Variants in GRIA2 observed in about 807,000 individuals in gnomAD.
GRIA2 encodes the protein glutamate receptor 2.
GRIA2 carries 14 observed loss-of-function variants against 97.3 expected under a neutral mutation model. That is an observed-to-expected ratio of 0.14 (90% confidence interval 0.10 to 0.23). The LOEUF (loss-of-function observed/expected upper bound fraction) is 0.23. Among genes scored for constraint, GRIA2 ranks in the 10% least tolerant of loss-of-function variants. The pLI, the probability that GRIA2 is intolerant of heterozygous loss-of-function variation, is 1.00. For missense variants in GRIA2, 558 were observed against 1,069.8 expected (o/e 0.52, Z 6.67); for synonymous variants, 412 against 387.8 (o/e 1.06, Z -0.73).
At chr4:157,315,008 C>T (rs1434426918) in intron 4 of GRIA2, among the ~76,000 whole-genome samples, 1 of 152,166 alleles carries the variant, frequency 6.6e-6, no homozygotes, top group Non-Finnish European at 1.5e-5. Flanking sequence ...TAGTCTAGGA[C>T]ATGGAGGAGA....
intron 13 of GRIA2, chr4:157,360,710 G>A: frequency 2.0e-6 from 1 of 490,782 alleles, no homozygotes; most frequent in Non-Finnish European, 4.0e-6. Context: ...TTTTTTTAGT[G>A]GAGTCACATT....
At chr4:157,228,546 A>G (rs1729850594) in intron 2 of GRIA2, among the ~76,000 whole-genome samples, 1 of 152,150 alleles carries the variant, frequency 6.6e-6, no homozygotes, top group Non-Finnish European at 1.5e-5. Context: ...TAATCCCAGC[A>G]CTTTGGGTGG....
chr4:157,255,161 G>A (rs1287496496), intron 2 of GRIA2, among the ~76,000 whole-genome samples: 1 of 151,862 alleles, frequency 6.6e-6, no homozygotes, highest in African/African-American at 2.4e-5. Flanking sequence ...ATAAGGTCAT[G>A]TAGTATTTGA....
intron 2 of GRIA2, among the ~76,000 whole-genome samples, chr4:157,230,307 G>T (rs1729943276): frequency 6.6e-6 from 1 of 152,130 alleles, no homozygotes; most frequent in Non-Finnish European, 1.5e-5. Context: ...AAAGGATAGA[G>T]TGGGCATGTT....
intron 2 of GRIA2, among the ~76,000 whole-genome samples, chr4:157,296,975 T>G (rs1445585950): frequency 6.6e-6 from 1 of 152,156 alleles, no homozygotes; most frequent in Non-Finnish European, 1.5e-5. Context: ...CAGCTTGTAA[T>G]TCAGACCACA....
At chr4:157,353,719 A>G (rs1736123961) in intron 12 of GRIA2, among the ~76,000 whole-genome samples, 1 of 152,042 alleles carries the variant, frequency 6.6e-6, no homozygotes, top group Non-Finnish European at 1.5e-5. Flanking sequence ...AAACAAAAAA[A>G]CCTTATAGTT....
chr4:157,241,310 T>C (rs1242997813), intron 2 of GRIA2, among the ~76,000 whole-genome samples: 1 of 152,118 alleles, frequency 6.6e-6, no homozygotes, highest in Non-Finnish European at 1.5e-5. Context: ...TTTTTGTGCA[T>C]TTATTATTTG....
chr4:157,292,787 G>A (rs1733163626), intron 2 of GRIA2, among the ~76,000 whole-genome samples: 1 of 152,088 alleles, frequency 6.6e-6, no homozygotes, highest in Admixed American at 6.6e-5. Context: ...CAGCTCTGGA[G>A]TCAGGCTGCC....
chr4:157,253,566 T>G (rs1250311464), intron 2 of GRIA2, among the ~76,000 whole-genome samples: 1 of 152,140 alleles, frequency 6.6e-6, no homozygotes, highest in African/African-American at 2.4e-5. Context: ...TATGGAGATT[T>G]CCTACTGGTG....
chr4:157,244,590 AAG>A (rs1003877985), intron 2 of GRIA2, among the ~76,000 whole-genome samples: 2 of 152,180 alleles, frequency 1.3e-5, no homozygotes, highest in Admixed American at 6.6e-5. Context: ...TTCAGCAACA[AAG>A]AGTTTTTATT....
In GRIA2 at chr4:157,364,858, A is replaced by G. The variant is rs1255973368; in HGVS notation, c.*1427A>G. On this transcript the variant is annotated 3_prime_UTR_variant, in exon 16 of 16. Transcript: ENST00000264426. ...TATTTATTCCTCAGGTGGAATGGCT[A>G]TTTTAATATGCCCAGTGTGGATAAA... 1 of 151,780 alleles carries G rather than the reference A, an allele frequency of 6.6e-6. No homozygotes were observed. Among genetic ancestry groups the G allele is most frequent in the Non-Finnish European group, 1.5e-5 (1 of 67,756 alleles). 9.4% of individuals were successfully genotyped at this position (151,780 alleles called of 1,614,324 possible). A position where few individuals can be genotyped will look rare whatever the true frequency, so the allele number is the denominator to read the frequency against.
At position 157,309,754 on chromosome 4, in the gene GRIA2, C is replaced by G. The variant is rs563181631; in HGVS notation, c.470-2925C>G. On this transcript the variant is annotated intron_variant, in intron 3 of 15. Coordinates refer to ENST00000264426, the MANE Select transcript of GRIA2 (RefSeq NM_001083619.3). ...TTACAAAGTGTCATTTATATTTAAA[C>G]TTTCTTATAATATATGTCAAAAGTT... 1.8e-4 allele frequency among the ~76,000 whole-genome samples: 27 copies of G among 152,216 alleles called. 1 individual carries two copies. In the South Asian group the frequency reaches 5.4e-3, roughly 30 times the overall value.
In GRIA2 at chr4:157,332,668, G is replaced by A; in HGVS notation, c.883-151G>A. The stretch of plus-strand genomic sequence containing the variant: ...CCCATGTTTTGTAATGCTTCTCTTC[G>A]ATTCTTAGGTTTCTAGATGCAGAAA... On this transcript the variant is annotated intron_variant, in intron 6 of 15. Coordinates refer to ENST00000264426, the MANE Select transcript of GRIA2 (RefSeq NM_001083619.3). 1.6e-5 allele frequency: 9 copies of A among 557,706 alleles called. No individual in the cohort carries two copies. The South Asian group carries it at 2.3e-4, about 15-fold the overall frequency. The allele number at this position is 557,706 out of a possible 1,614,324, so 34.5% of individuals were successfully genotyped here.
chr4:157,348,086 A>C (rs1735840396), intron 12 of GRIA2, among the ~76,000 whole-genome samples: 1 of 152,018 alleles, frequency 6.6e-6, no homozygotes, highest in African/African-American at 2.4e-5. Context: ...ACTGCACTCC[A>C]GCCGGGCAAC....
chr4:157,344,861 G>A (rs932343550), intron 12 of GRIA2, among the ~76,000 whole-genome samples: 3 of 152,036 alleles, frequency 2.0e-5, no homozygotes, highest in Admixed American at 1.3e-4. Context: ...TAAAAAATAT[G>A]TTGAGACCAT....
chr4:157,323,349 A>G (rs1376889440), intron 6 of GRIA2, among the ~76,000 whole-genome samples: 3 of 150,346 alleles, frequency 2.0e-5, no homozygotes, highest in African/African-American at 7.3e-5. Context: ...AAAAAAAAAA[A>G]AAAAAAAAAA....
At chr4:157,349,548 C>A (rs1735915579) in intron 12 of GRIA2, among the ~76,000 whole-genome samples, 1 of 145,838 alleles carries the variant, frequency 6.9e-6, no homozygotes. Context: ...TTTAGCTTGG[C>A]AGTGGGACAT....
At chr4:157,259,834 C>T (rs1731447257) in intron 2 of GRIA2, among the ~76,000 whole-genome samples, 1 of 152,080 alleles carries the variant, frequency 6.6e-6, no homozygotes, top group Non-Finnish European at 1.5e-5. Flanking sequence ...TGCCAGGTAA[C>T]ACCATTACAT....
intron 2 of GRIA2, among the ~76,000 whole-genome samples, chr4:157,248,525 A>G (rs1208989176): frequency 3.6e-4 from 14 of 39,366 alleles, no homozygotes; most frequent in African/African-American, 8.6e-4. Flanking sequence ...CTATATATAT[A>G]TGTGTGTGTG....
Sources: gnomAD v4.1 joint callset for allele counts (sites outside exome capture counted in the v4.1 genomes callset) on GRCh38, gnomAD v4.1.1 for gene constraint, MANE v1.5 for transcripts, NCBI Gene and HGNC (gene_info 2026-07-23, HGNC 2026-07-21) for gene names.